The following KCNIP4 variants were observed in gnomAD, a reference collection of about 807,000 sequenced individuals.
The protein encoded by KCNIP4 is Kv channel-interacting protein 4.
Under a neutral mutation model 34.0 loss-of-function variants are expected in KCNIP4, and 12 were observed. The observed-to-expected ratio is 0.35, with a 90% CI of 0.23 to 0.57. The LOEUF (loss-of-function observed/expected upper bound fraction) is 0.57, where lower values mean the gene tolerates loss of function less well. Among genes scored for constraint, KCNIP4 ranks in the 20% least tolerant of loss-of-function variants. The probability of loss-of-function intolerance (pLI) is 0.83; values close to 1 mark genes in which losing one functional copy is unlikely to be tolerated. For missense variants in KCNIP4, 238 were observed against 311.7 expected, an observed-to-expected ratio of 0.76 and a Z score of 1.78; for synonymous variants, 124 against 102.2, an observed-to-expected ratio of 1.21 and a Z score of -1.29.
intron 3 of KCNIP4, among the ~76,000 whole-genome samples, chr4:20,790,964 G>A (rs1712676478): frequency 6.6e-6 from 1 of 152,106 alleles, no homozygotes; most frequent in African/African-American, 2.4e-5. Flanking sequence ...GAAAGAATAA[G>A]GAGGGACAAG....
At position 20,982,076 on chromosome 4, in the gene KCNIP4, A is replaced by G. The variant is rs558705201; in HGVS notation, c.62-99367T>C. On this transcript the variant is annotated intron_variant, in intron 1 of 8. Coordinates refer to ENST00000382152, the MANE Select transcript of KCNIP4 (RefSeq NM_025221.6). The stretch of plus-strand genomic sequence containing the variant: ...TGATATGAAACAGACATTGAAGAAT[A>G]AAAGCTGAATCGTTGCCCGGGGCCT... Among the ~76,000 whole-genome samples the G allele has an allele frequency of 2.6e-5, 4 of 152,342 alleles. No individual in the cohort carries two copies. In the East Asian group the frequency reaches 7.7e-4, roughly 29 times the overall value.
At chr4:21,399,450 C>A (rs1218710776) in intron 1 of KCNIP4, among the ~76,000 whole-genome samples, 1 of 152,186 alleles carries the variant, frequency 6.6e-6, no homozygotes, top group East Asian at 1.9e-4. Flanking sequence ...AAATGGATTC[C>A]TAATGACATA....
intron 1 of KCNIP4, among the ~76,000 whole-genome samples, chr4:21,720,376 G>A (rs1714723349): frequency 6.6e-6 from 1 of 152,066 alleles, no homozygotes. Flanking sequence ...GCAAATAGAT[G>A]TTAAGAAAAT....
Position 21,564,211 on chromosome 4 carries a change from A to G in KCNIP4, c.61+384360T>C, listed in dbSNP as rs1386943119. On this transcript the variant is annotated intron_variant, in intron 1 of 8. Transcript: ENST00000382152. ...TGTAACTTAAAACATTTTTCCATTG[A>G]TGTCATTCTTTCAACTACACGTTGA... Among the ~76,000 whole-genome samples, 4 of 152,096 alleles carry G rather than the reference A, an allele frequency of 2.6e-5. No homozygotes were observed. The East Asian group carries it at 5.8e-4, about 22-fold the overall frequency.
chr4:21,033,410 C>A (rs1225959641), intron 1 of KCNIP4, among the ~76,000 whole-genome samples: 1 of 152,186 alleles, frequency 6.6e-6, no homozygotes, highest in Non-Finnish European at 1.5e-5. Flanking sequence ...AAAAGTCAAG[C>A]AGGGCTATGT....
intron 1 of KCNIP4, among the ~76,000 whole-genome samples, chr4:21,501,026 T>C (rs1347610318): frequency 1.3e-5 from 2 of 151,824 alleles, no homozygotes; most frequent in Non-Finnish European, 2.9e-5. Context: ...GTAGCATAAA[T>C]TTAGGCAAGA....
chr4:21,056,008 C>T (rs1003975442), intron 1 of KCNIP4, among the ~76,000 whole-genome samples: 1 of 151,948 alleles, frequency 6.6e-6, no homozygotes, highest in Admixed American at 6.6e-5. Flanking sequence ...TGGTGAGAGA[C>T]GTAAATAAGA....
intron 1 of KCNIP4, among the ~76,000 whole-genome samples, chr4:21,461,954 CAAT>C (rs1729497288): frequency 6.6e-6 from 1 of 151,850 alleles, no homozygotes; most frequent in Non-Finnish European, 1.5e-5. Context: ...TTATAAAGTA[CAAT>C]GTTTCAATAT....
At chr4:20,930,983 C>G (rs1304433717) in intron 1 of KCNIP4, among the ~76,000 whole-genome samples, 1 of 152,002 alleles carries the variant, frequency 6.6e-6, no homozygotes, top group Non-Finnish European at 1.5e-5. Flanking sequence ...AATAGACCAG[C>G]AATGACCCAA....
At chr4:21,078,353 T>A (rs891718769) in intron 1 of KCNIP4, among the ~76,000 whole-genome samples, 3 of 152,054 alleles carry the variant, frequency 2.0e-5, no homozygotes, top group African/African-American at 7.2e-5. Context: ...ATTTATCTTC[T>A]CAGAATTCTA....
chr4:21,267,657 A>G (rs1344806762), intron 1 of KCNIP4, among the ~76,000 whole-genome samples: 1 of 143,440 alleles, frequency 7.0e-6, no homozygotes, highest in African/African-American at 2.6e-5. Flanking sequence ...ACATTTATTG[A>G]TTTGCGTATA....
intron 1 of KCNIP4, among the ~76,000 whole-genome samples, chr4:21,265,320 C>G (rs531007307): frequency 3.2e-4 from 49 of 152,054 alleles, no homozygotes; most frequent in African/African-American, 1.1e-3. Flanking sequence ...TAGGTTATTG[C>G]TTAAAAGGAA....
chr4:21,522,816 T>C (rs541351349), intron 1 of KCNIP4, among the ~76,000 whole-genome samples: 1 of 152,212 alleles, frequency 6.6e-6, no homozygotes, highest in African/African-American at 2.4e-5. Flanking sequence ...ATTAAATAAG[T>C]TGATATTTGT....
intron 1 of KCNIP4, among the ~76,000 whole-genome samples, chr4:21,268,327 T>A (rs190897338): frequency 6.6e-6 from 1 of 152,106 alleles, no homozygotes; most frequent in Non-Finnish European, 1.5e-5. Flanking sequence ...ATAAACAGGT[T>A]TTACTGATCT....
chr4:21,213,473 T>C (rs1487545646), intron 1 of KCNIP4, among the ~76,000 whole-genome samples: 1 of 151,902 alleles, frequency 6.6e-6, no homozygotes, highest in Non-Finnish European at 1.5e-5. Flanking sequence ...AGCTAATTTT[T>C]GTATTTTTAG....
chr4:20,980,553 G>C (rs1309847922), intron 1 of KCNIP4, among the ~76,000 whole-genome samples: 1 of 152,064 alleles, frequency 6.6e-6, no homozygotes, highest in Non-Finnish European at 1.5e-5. Flanking sequence ...TTCTATCTGT[G>C]TCTAATTCTA....
intron 1 of KCNIP4, among the ~76,000 whole-genome samples, chr4:21,593,278 C>A (rs1467626692): frequency 1.3e-5 from 2 of 152,050 alleles, no homozygotes; most frequent in African/African-American, 2.4e-5. Flanking sequence ...CACTTCTGGG[C>A]TGAATGCCCA....
chr4:21,555,496 A>C (rs2109022626), intron 1 of KCNIP4, among the ~76,000 whole-genome samples: 1 of 152,260 alleles, frequency 6.6e-6, no homozygotes, highest in South Asian at 2.1e-4. Flanking sequence ...TTCTTGATTT[A>C]TCAAATTTTC....
intron 1 of KCNIP4, among the ~76,000 whole-genome samples, chr4:21,470,717 CAAAGAGCTTGTGGTGACTCACT>C (rs1371305876): frequency 2.6e-5 from 4 of 151,886 alleles, no homozygotes; most frequent in African/African-American, 9.7e-5. Flanking sequence ...ATTACAACCC[CAAAGAGCTTGTGGTGACTCACT>C]AAAAAGCCAC....
Sources: gnomAD v4.1 joint callset for allele counts (sites outside exome capture counted in the v4.1 genomes callset) on GRCh38, gnomAD v4.1.1 for gene constraint, MANE v1.5 for transcripts, NCBI Gene and HGNC (gene_info 2026-07-23, HGNC 2026-07-21) for gene names.